KIAA2012: variants seen among roughly 807,000 people sequenced by gnomAD.
KIAA2012 encodes the protein KIAA2012, also known as uncharacterized protein KIAA2012.
A neutral mutation model predicts 150.6 loss-of-function variants in KIAA2012; 125 were observed. That is an observed-to-expected ratio of 0.83 (90% CI 0.72 to 0.96). The LOEUF (loss-of-function observed/expected upper bound fraction) is 0.96, where lower values mean the gene tolerates loss of function less well. KIAA2012 is among the 40% of genes least tolerant of loss of function. The pLI is 0.00. For synonymous variants in KIAA2012, 462 were observed against 504.7 expected (o/e 0.92, Z 1.13); for missense variants, 1,219 against 1,354.9 (o/e 0.90, Z 1.57).
chr2:202,089,206 G>A (rs1298317371), intron 2 of KIAA2012, among the ~76,000 whole-genome samples: 1 of 152,090 alleles, frequency 6.6e-6, no homozygotes, highest in East Asian at 1.9e-4. Flanking sequence ...AACCAACCCT[G>A]GTATTCTCTA....
intron 2 of KIAA2012, among the ~76,000 whole-genome samples, chr2:202,083,648 A>C (rs1433382554): frequency 4.6e-5 from 7 of 152,064 alleles, no homozygotes; most frequent in Non-Finnish European, 1.0e-4. Context: ...CATTCAATCG[A>C]GCCAACGTCT....
At chr2:202,127,208 ATTCT>A (rs1690815030) in intron 12 of KIAA2012, among the ~76,000 whole-genome samples, 1 of 152,238 alleles carries the variant, frequency 6.6e-6, no homozygotes, top group Non-Finnish European at 1.5e-5. Context: ...AAACCAAAAT[ATTCT>A]TTCTAATAGC....
At chr2:202,075,542 C>G (rs1414322964) in intron 2 of KIAA2012, among the ~76,000 whole-genome samples, 5 of 152,216 alleles carry the variant, frequency 3.3e-5, no homozygotes, top group Admixed American at 3.3e-4. Flanking sequence ...CAAGCATCAT[C>G]ATCCCACCTC....
chr2:202,105,457 TCTC>T (rs1690160702), intron 8 of KIAA2012, among the ~76,000 whole-genome samples: 1 of 152,196 alleles, frequency 6.6e-6, no homozygotes, highest in Non-Finnish European at 1.5e-5. Flanking sequence ...TCCATGCTAA[TCTC>T]CTTCCTGTTA....
chr2:202,156,364 A>G (rs969751127), intron 14 of KIAA2012, among the ~76,000 whole-genome samples: 2 of 152,178 alleles, frequency 1.3e-5, no homozygotes. Context: ...CTTAGGGCTG[A>G]GAGAATTATG....
rs1398553172 is a variant in KIAA2012, at chr2:202,195,346, C to T, written c.3187+984C>T. 3.3e-5 allele frequency among the ~76,000 whole-genome samples: 5 copies of T among 151,578 alleles called. No homozygotes were observed. The South Asian group carries it at 6.3e-4, about 19-fold the overall frequency. On this transcript the variant is annotated intron_variant, in intron 21 of 23. Transcript: ENST00000498697. Reference sequence around the variant, plus strand: ...CAGCCTGGCCAACATGGCAGAACCCCGTCTCTACTAAAAATACAAAAATTA... The same window carrying T: ...CAGCCTGGCCAACATGGCAGAACCCTGTCTCTACTAAAAATACAAAAATTA...
At chr2:202,197,182 G>A in intron 22 of KIAA2012, 163 bp downstream of exon 22, 1 of 1,082,906 alleles carries the variant, frequency 9.2e-7, no homozygotes, top group Non-Finnish European at 1.3e-6. Context: ...TGCTGCAAAT[G>A]TCAAGGATTC....
chr2:202,149,546 T>C (rs1303502592), intron 13 of KIAA2012, among the ~76,000 whole-genome samples: 1 of 152,222 alleles, frequency 6.6e-6, no homozygotes, highest in Non-Finnish European at 1.5e-5. Context: ...AGTTGTGAGC[T>C]GCGTGGGAGG....
chr2:202,128,865 A>C (rs1355706795), intron 12 of KIAA2012, among the ~76,000 whole-genome samples: 1 of 152,172 alleles, frequency 6.6e-6, no homozygotes, highest in Admixed American at 6.5e-5. Context: ...GACCTTAACA[A>C]AAACATTTTT....
chr2:202,123,890 T>TA (rs1690713369), intron 11 of KIAA2012, among the ~76,000 whole-genome samples: 1 of 151,910 alleles, frequency 6.6e-6, no homozygotes, highest in Non-Finnish European at 1.5e-5. Flanking sequence ...AATTTCCCTT[T>TA]AAAAAACCTT....
intron 13 of KIAA2012, among the ~76,000 whole-genome samples, chr2:202,149,976 T>C (rs771820218): frequency 4.6e-5 from 7 of 152,224 alleles, no homozygotes; most frequent in African/African-American, 1.7e-4. Context: ...ATGTTCTCTT[T>C]AAGTTTTGCT....
rs1692299032 is a variant in KIAA2012, at chr2:202,190,165, C to T, written c.2492-9C>T. Reference sequence around the variant, plus strand: ...AGCTATATCTCTATCCCCAATTGTTCTCCCCCAGGAAAGTCAAAGGACTCA... The same window carrying T: ...AGCTATATCTCTATCCCCAATTGTTTTCCCCCAGGAAAGTCAAAGGACTCA... On this transcript the variant is annotated splice_polypyrimidine_tract_variant and intron_variant, in intron 18 of 23. Transcript: ENST00000498697. 4 of 1,506,686 alleles carry T rather than the reference C, an allele frequency of 2.7e-6. No individual in the cohort carries two copies. The highest frequency in any genetic ancestry group is 3.5e-6 in the Non-Finnish European group (4 of 1,133,570). The allele number at this position is 1,506,686 out of a possible 1,614,324, so 93.3% of individuals were successfully genotyped here.
intron 2 of KIAA2012, among the ~76,000 whole-genome samples, chr2:202,084,983 T>C (rs1689529812): frequency 6.6e-6 from 1 of 152,232 alleles, no homozygotes; most frequent in African/African-American, 2.4e-5. Flanking sequence ...GTAATTATAC[T>C]ATACATGCTT....
chr2:202,125,936 T>C (rs764789187), intron 12 of KIAA2012: 144 of 10,512 alleles, frequency 0.014, no homozygotes, highest in Admixed American at 0.02. Context: ...TCCTGGCTGC[T>C]TTTTTTTTTT....
intron 12 of KIAA2012, among the ~76,000 whole-genome samples, chr2:202,129,003 G>A (rs368264815): frequency 2.6e-4 from 40 of 152,154 alleles, no homozygotes; most frequent in African/African-American, 9.4e-4. Context: ...GGAGGCTGAG[G>A]CAGGAGAATT....
intron 2 of KIAA2012, among the ~76,000 whole-genome samples, chr2:202,085,075 C>T (rs538601459): frequency 6.6e-6 from 1 of 152,304 alleles, no homozygotes; most frequent in African/African-American, 2.4e-5. Flanking sequence ...GACTGGTATC[C>T]TCGGTTAGCC....
intron 2 of KIAA2012, among the ~76,000 whole-genome samples, chr2:202,083,072 G>A (rs1689487023): frequency 6.6e-6 from 1 of 152,100 alleles, no homozygotes. Context: ...ATGACATATG[G>A]CTGGTCAAAT....
At chr2:202,202,244 T>C (rs1237772925) in intron 22 of KIAA2012, among the ~76,000 whole-genome samples, 185 bp from the exon 23 acceptor site, 1 of 152,236 alleles carries the variant, frequency 6.6e-6, no homozygotes, top group Non-Finnish European at 1.5e-5. Flanking sequence ...AGGAGGCTCA[T>C]GGTACTCCAA....
At chr2:202,132,761 T>TATGTATAC (rs1690976484) in intron 12 of KIAA2012, among the ~76,000 whole-genome samples, 1 of 116,910 alleles carries the variant, frequency 8.6e-6, no homozygotes. Context: ...TATATGTATA[T>TATGTATAC]ATATACATAT....
Sources: gnomAD v4.1 joint callset for allele counts (sites outside exome capture counted in the v4.1 genomes callset) on GRCh38, gnomAD v4.1.1 for gene constraint, MANE v1.5 for transcripts, NCBI Gene and HGNC (gene_info 2026-07-23, HGNC 2026-07-21) for gene names.